FZD6: variants seen among roughly 807,000 people sequenced by gnomAD.
The protein encoded by FZD6 is frizzled class receptor 6.
A neutral mutation model predicts 61.4 loss-of-function variants in FZD6; 49 were observed. The ratio of observed to expected loss-of-function variants is 0.80; its 90% confidence interval spans 0.63 to 1.01. The LOEUF (loss-of-function observed/expected upper bound fraction) is 1.01, where lower values mean the gene tolerates loss of function less well. Ranked by LOEUF, FZD6 falls within the 50% of genes least tolerant of loss-of-function variation. The pLI is 0.00. For synonymous variants in FZD6, 265 were observed against 292.2 expected (o/e 0.91, Z 0.95); for missense variants, 724 against 848.2 (o/e 0.85, Z 1.82).
In FZD6 at chr8:103,318,783, A is replaced by C; in HGVS notation, c.371A>C (p.Asp124Ala). The C allele has an allele frequency of 6.3e-7, 1 of 1,575,432 alleles. No individual in the cohort carries two copies. The highest frequency in any genetic ancestry group is 8.7e-7 in the Non-Finnish European group (1 of 1,144,900). Residue 124 changes from aspartate (D) to alanine (A), a missense_variant, in exon 3 of 7, where the codon GAC becomes GCC. By Grantham distance (126) the Asp-to-Ala change is moderately radical. Transcript: ENST00000358755. The part of the protein sequence containing the change: ...GIRWPEELEC[D>A]RLQYCDETVP... ...CGATGGCCTGAGGAGCTTGAATGTG[A>C]CAGGTAAACAATGTTTTTCATGGAA...
At chr8:103,321,040 G>GCC (rs1814772774) in intron 3 of FZD6, among the ~76,000 whole-genome samples, 1 of 152,114 alleles carries the variant, frequency 6.6e-6, no homozygotes, top group African/African-American at 2.4e-5. Context: ...AGACGGTGAG[G>GCC]CCTGTGGAGA....
rs201820118 is a variant in FZD6 at position 103,324,872 on chromosome 8, G to A, written c.766G>A (p.Asp256Asn). 4.3e-6 allele frequency: 7 copies of A among 1,613,816 alleles called. No homozygotes were observed. The highest frequency in any genetic ancestry group is 1.7e-5 in the Admixed American group (1 of 60,002). Residue 256 changes from aspartate (D) to asparagine (N), a missense_variant, in exon 4 of 7, where the codon GAT becomes AAT. Physicochemically the swap from Asp to Asn is conservative, Grantham distance 23 (BLOSUM62 1). Coordinates refer to ENST00000358755, the MANE Select transcript of FZD6 (RefSeq NM_003506.4). The stretch of plus-strand genomic sequence containing the variant: ...GTACTTCATTGGATTTTTGCTAGGC[G>A]ATAGCACAGCCTGCAATAAGGCAGA... The part of the protein sequence containing the change: ...LMYFIGFLLG[D>N]STACNKADEK...
At chr8:103,321,458 A>T (rs1234606035) in intron 3 of FZD6, among the ~76,000 whole-genome samples, 1 of 152,206 alleles carries the variant, frequency 6.6e-6, no homozygotes, top group Non-Finnish European at 1.5e-5. Context: ...ATTTACTTTG[A>T]AAACACACAC....
intron 2 of FZD6, 66 bp from the exon 3 acceptor site, chr8:103,318,524 A>T: frequency 1.1e-6 from 1 of 910,050 alleles, no homozygotes; most frequent in Non-Finnish European, 1.8e-6. Context: ...TTTAAACAGT[A>T]AATATATTAA....
Position 103,331,454 on chromosome 8 carries a change from A to T in FZD6, c.2066A>T (p.His689Leu). ...SLKGSTSLLV[H>L]PVSGVRKEQG... ...AAAGGTTCCACATCTCTGCTTGTTC[A>T]CCCGGTTTCAGGAGTGAGAAAAGAG... The change falls in exon 7 of 7, where the codon CAC becomes CTC. Residue 689 changes from histidine to leucine, a missense_variant. His to Leu is a moderately conservative substitution (Grantham distance 99). Transcript: ENST00000358755. 1 of 1,611,532 alleles carries T rather than the reference A, an allele frequency of 6.2e-7. No homozygotes were observed. Among genetic ancestry groups the T allele is most frequent in the Non-Finnish European group, 8.5e-7 (1 of 1,177,668 alleles).
At chr8:103,325,817 T>C (rs1448037021) in intron 4 of FZD6, among the ~76,000 whole-genome samples, 1 of 152,228 alleles carries the variant, frequency 6.6e-6, no homozygotes, top group Non-Finnish European at 1.5e-5. Context: ...AGAAGTCACT[T>C]TTGTCGCATT....
At position 103,324,869 on chromosome 8, in the gene FZD6, G is replaced by A. The variant is rs1445893196; in HGVS notation, c.763G>A (p.Gly255Ser). 1.2e-6 allele frequency: 2 copies of A among 1,613,694 alleles called. No individual in the cohort carries two copies. The highest frequency in any genetic ancestry group is 1.1e-5 in the South Asian group (1 of 91,076). ...TATGTACTTCATTGGATTTTTGCTA[G>A]GCGATAGCACAGCCTGCAATAAGGC... Reference protein sequence around the residue: ...SLMYFIGFLLGDSTACNKADE... With the variant: ...SLMYFIGFLLSDSTACNKADE... Residue 255 changes from glycine (G) to serine (S), a missense_variant, in exon 4 of 7, where the codon GGC becomes AGC. Coordinates refer to ENST00000358755, the MANE Select transcript of FZD6 (RefSeq NM_003506.4).
chr8:103,330,766 T>G (rs1159038438), intron 6 of FZD6, among the ~76,000 whole-genome samples: 1 of 152,218 alleles, frequency 6.6e-6, no homozygotes, highest in East Asian at 1.9e-4. Flanking sequence ...AATAAAACAT[T>G]TGTTAAACTG....
chr8:103,311,275 C>G (rs961498867), intron 2 of FZD6, among the ~76,000 whole-genome samples: 1 of 152,128 alleles, frequency 6.6e-6, no homozygotes, highest in Admixed American at 6.5e-5. Flanking sequence ...TTGCATAACC[C>G]TCTCCCCAGG....
At chr8:103,306,395 G>A (rs1173560087) in intron 2 of FZD6, among the ~76,000 whole-genome samples, 2 of 149,266 alleles carry the variant, frequency 1.3e-5, no homozygotes, top group Non-Finnish European at 3.0e-5. Context: ...CAAGACTTTT[G>A]TAACCACTTA....
chr8:103,311,348 C>T (rs10505042), intron 2 of FZD6, among the ~76,000 whole-genome samples: 65,143 of 151,968 alleles, frequency 0.43, 14,543 homozygotes, highest in East Asian at 0.61. Flanking sequence ...TTTTCATTGC[C>T]AGGCTGTATC....
intron 2 of FZD6, among the ~76,000 whole-genome samples, chr8:103,302,424 G>A (rs1814198230): frequency 1.3e-5 from 2 of 152,104 alleles, no homozygotes; most frequent in African/African-American, 4.8e-5. Flanking sequence ...TAAATAAAAT[G>A]TGTAGGATTA....
At position 103,329,777 on chromosome 8, in the gene FZD6, C is replaced by A; in HGVS notation, c.1664C>A (p.Ser555Tyr). The A allele has an allele frequency of 2.5e-6, 4 of 1,614,064 alleles. No individual in the cohort carries two copies. Among genetic ancestry groups the A allele is most frequent in the Non-Finnish European group, 3.4e-6 (4 of 1,179,940 alleles). Reference protein sequence around the residue: ...KPSSHKLKVISKSMGTSTGAT... With the variant: ...KPSSHKLKVIYKSMGTSTGAT... ...AGTTCACACAAGCTGAAGGTCATTTCCAAATCCATGGGAACCAGCACAGGA... is the reference window on the plus strand; with the variant it reads ...AGTTCACACAAGCTGAAGGTCATTTACAAATCCATGGGAACCAGCACAGGA... The change falls in exon 6 of 7, where the codon TCC becomes TAC. Residue 555 changes from serine (S) to tyrosine (Y), a missense_variant. Transcript: ENST00000358755.
At position 103,324,752 on chromosome 8, in the gene FZD6, A is replaced by C; in HGVS notation, c.646A>C (p.Thr216Pro). ...SIFCLCATLF[T>P]FLTFLIDVRR... The stretch of plus-strand genomic sequence containing the variant: ...ATTTTGTCTTTGTGCAACTCTGTTC[A>C]CATTCCTTACTTTTTTAATTGATGT... The change falls in exon 4 of 7, where the codon ACA becomes CCA. Residue 216 changes from threonine (T) to proline (P), a missense_variant. By Grantham distance (38) the Thr-to-Pro change is conservative (BLOSUM62 -1). Transcript: ENST00000358755. 2 of 1,614,104 alleles carry C rather than the reference A, an allele frequency of 1.2e-6. No homozygotes were observed. Among genetic ancestry groups the C allele is most frequent in the Non-Finnish European group, 1.7e-6 (2 of 1,179,956 alleles).
At chr8:103,316,824 G>A (rs1814638624) in intron 2 of FZD6, among the ~76,000 whole-genome samples, 1 of 151,884 alleles carries the variant, frequency 6.6e-6, no homozygotes, top group South Asian at 2.1e-4. Context: ...GATATGCTTT[G>A]TCAGTGTTCA....
At position 103,324,839 on chromosome 8, in the gene FZD6, T is replaced by C; in HGVS notation, c.733T>C (p.Ser245Pro). 6.2e-7 allele frequency: 1 copy of C among 1,613,712 alleles called. No homozygotes were observed. The highest frequency in any genetic ancestry group is 1.1e-5 in the South Asian group (1 of 91,066). ...IYYSVCYSIV[S>P]LMYFIGFLLG... The stretch of plus-strand genomic sequence containing the variant: ...TTACTCTGTCTGTTACAGCATTGTA[T>C]CTCTTATGTACTTCATTGGATTTTT... Residue 245 changes from serine to proline, a missense_variant, in exon 4 of 7, where the codon TCT becomes CCT. Ser to Pro is a moderately conservative substitution (Grantham distance 74, BLOSUM62 -1). Coordinates refer to ENST00000358755, the MANE Select transcript of FZD6 (RefSeq NM_003506.4).
In FZD6 at chr8:103,328,303, T is replaced by C. The variant is rs755666655; in HGVS notation, c.1428T>C (p.Phe476=). ...KAKARPELAL[F]MIKYLMTLIV... ...AAGCTCGACCAGAATTGGCTTTATT[T>C]ATGATAAAATACCTGATGACATTAA... is the stretch of plus-strand genomic sequence containing the variant. Residue 476 remains phenylalanine (F), a synonymous_variant, in exon 5 of 7, where the codon TTT becomes TTC. Coordinates refer to ENST00000358755, the MANE Select transcript of FZD6 (RefSeq NM_003506.4). 2 of 1,611,546 alleles carry C rather than the reference T, an allele frequency of 1.2e-6. No individual in the cohort carries two copies. Among genetic ancestry groups the C allele is most frequent in the South Asian group, 2.2e-5 (2 of 91,030 alleles).
chr8:103,318,030 T>A (rs2130309327), intron 2 of FZD6, among the ~76,000 whole-genome samples: 1 of 152,188 alleles, frequency 6.6e-6, no homozygotes, highest in Non-Finnish European at 1.5e-5. Context: ...AATGGAGTTG[T>A]CCCGGAGCAG....
rs1033835463 is a variant in FZD6 at position 103,318,741 on chromosome 8, T to C, written c.329T>C (p.Ile110Thr). 1 of 1,611,726 alleles carries C rather than the reference T, an allele frequency of 6.2e-7. No individual in the cohort carries two copies. The highest frequency in any genetic ancestry group is 8.5e-7 in the Non-Finnish European group (1 of 1,177,876). The change falls in exon 3 of 7, where the codon ATT (isoleucine) becomes ACT (threonine). Residue 110 changes from isoleucine (I) to threonine (T), a missense_variant. By Grantham distance (89) the Ile-to-Thr change is moderately conservative (BLOSUM62 -1). Coordinates refer to ENST00000358755, the MANE Select transcript of FZD6 (RefSeq NM_003506.4). ...EKVYSDCKKL[I>T]DTFGIRWPEE... ...GTATATTCTGATTGCAAAAAATTAA[T>C]TGACACTTTTGGGATCCGATGGCCT...
Sources: gnomAD v4.1 joint callset for allele counts (sites outside exome capture counted in the v4.1 genomes callset) on GRCh38, gnomAD v4.1.1 for gene constraint, MANE v1.5 for transcripts, NCBI Gene and HGNC (gene_info 2026-07-23, HGNC 2026-07-21) for gene names.